Variants in TMEM132B observed in about 807,000 individuals in gnomAD.
TMEM132B encodes transmembrane protein 132B.
Under a neutral mutation model 90.8 loss-of-function variants are expected in TMEM132B, and 18 were observed. The ratio of observed to expected loss-of-function variants is 0.20; its 90% CI spans 0.14 to 0.29. The LOEUF (loss-of-function observed/expected upper bound fraction) is 0.29, where lower values mean the gene tolerates loss of function less well. TMEM132B is among the 10% of genes least tolerant of loss of function. The probability of loss-of-function intolerance (pLI) is 1.00; values close to 1 mark genes in which losing one functional copy is unlikely to be tolerated. For missense variants in TMEM132B, 1,096 were observed against 1,326.8 expected, an observed-to-expected ratio of 0.83 and a Z score of 2.70; for synonymous variants, 504 against 523.3, an observed-to-expected ratio of 0.96 and a Z score of 0.50.
intron 1 of TMEM132B, among the ~76,000 whole-genome samples, chr12:125,262,685 T>C (rs1191895693): frequency 1.3e-5 from 2 of 152,264 alleles, no homozygotes; most frequent in Admixed American, 6.5e-5. Context: ...AGAAAGACGC[T>C]GTCAAAAATT....
rs80235965 is a variant in TMEM132B at position 125,348,811 on chromosome 12, A to G, written c.68-641A>G. Among the ~76,000 whole-genome samples, 1,381 of 152,332 alleles carry G rather than the reference A, an allele frequency of 9.1e-3. 26 individuals are homozygous for G. Among genetic ancestry groups the G allele is most frequent in the African/African-American group, 0.032 (1,320 of 41,560 alleles). Reference sequence around the variant, plus strand: ...CAAATCCAGCCATCCGGCTCAGCACATATGTTCTTAAGTTTGTTTGTTTGC... The same window carrying G: ...CAAATCCAGCCATCCGGCTCAGCACGTATGTTCTTAAGTTTGTTTGTTTGC... On this transcript the variant is annotated intron_variant, in intron 1 of 8. Transcript: ENST00000682704.
chr12:125,220,253 G>T (rs1038060434), intron 1 of TMEM132B, among the ~76,000 whole-genome samples: 2 of 152,164 alleles, frequency 1.3e-5, no homozygotes, highest in African/African-American at 4.8e-5. Context: ...TTCTCATCAG[G>T]GTTTGGGAAG....
intron 4 of TMEM132B, among the ~76,000 whole-genome samples, chr12:125,572,111 T>C (rs1269171812): frequency 6.6e-6 from 1 of 152,218 alleles, no homozygotes; most frequent in Non-Finnish European, 1.5e-5. Flanking sequence ...GTTTACATGA[T>C]TTTTGTCGAA....
intron 5 of TMEM132B, among the ~76,000 whole-genome samples, chr12:125,633,820 G>A (rs1366975737): frequency 2.6e-5 from 4 of 152,352 alleles, no homozygotes; most frequent in African/African-American, 9.6e-5. Context: ...AGCTGAGAGT[G>A]GAGTGACATA....
chr12:125,600,825 T>C (rs4765263), intron 5 of TMEM132B, among the ~76,000 whole-genome samples: 151,861 of 152,164 alleles, frequency 1, 75,780 homozygotes, highest in Middle Eastern at 1. Context: ...TCCTAGTCTC[T>C]GACAAAACAG....
chr12:125,552,425 C>CT (rs1017836025), intron 4 of TMEM132B, among the ~76,000 whole-genome samples: 6 of 152,200 alleles, frequency 3.9e-5, no homozygotes, highest in Non-Finnish European at 7.3e-5. Context: ...GCAGAGCTGC[C>CT]TTAGCCTTGC....
At position 125,652,664 on chromosome 12, in the gene TMEM132B, C is replaced by A; in HGVS notation, c.2106+32C>A. ...GTTCCAGGGGCCCTGCGTCCTTGGT[C>A]AGTGGGGATGACTTCTCTCTCAGTT... is the stretch of plus-strand genomic sequence containing the variant. On this transcript the variant is annotated intron_variant, in intron 8 of 8. Coordinates refer to ENST00000682704, the MANE Select transcript of TMEM132B (RefSeq NM_001366854.1). 1.9e-6 allele frequency: 3 copies of A among 1,585,910 alleles called. No individual in the cohort carries two copies. The South Asian group carries it at 3.5e-5, about 18-fold the overall frequency.
rs190839400 is a variant in TMEM132B, at chr12:125,655,545, T to C, written c.*835T>C. 6.6e-6 allele frequency: 1 copy of C among 152,336 alleles called. No individual in the cohort carries two copies. The highest frequency in any genetic ancestry group is 1.9e-4 in the East Asian group (1 of 5,186). The allele number at this position is 152,336 out of a possible 1,614,324, so 9.4% of individuals were successfully genotyped here. Reference sequence around the variant, plus strand: ...TGTTTTCTATGTGAAGTTTCAAACATTTGGAAAAAAGTTGTCAATCACAAA... The same window carrying C: ...TGTTTTCTATGTGAAGTTTCAAACACTTGGAAAAAAGTTGTCAATCACAAA... On this transcript the variant is annotated 3_prime_UTR_variant, in exon 9 of 9. Transcript: ENST00000682704.
intron 3 of TMEM132B, among the ~76,000 whole-genome samples, chr12:125,487,366 T>C (rs1343388765): frequency 6.6e-6 from 1 of 152,218 alleles, no homozygotes; most frequent in Non-Finnish European, 1.5e-5. Context: ...TTGTACTAGT[T>C]AGGGTAATTA....
chr12:125,359,117 C>T (rs1877879066), intron 2 of TMEM132B, among the ~76,000 whole-genome samples: 1 of 152,194 alleles, frequency 6.6e-6, no homozygotes, highest in African/African-American at 2.4e-5. Flanking sequence ...GGATCGAGCA[C>T]ATGGCCCCCA....
chr12:125,288,339 T>G (rs903009467), intron 1 of TMEM132B, among the ~76,000 whole-genome samples: 4 of 151,706 alleles, frequency 2.6e-5, no homozygotes, highest in African/African-American at 9.7e-5. Context: ...GGTGCACGCC[T>G]GTAATTCCAG....
chr12:125,207,692 C>T (rs1438017536), intron 1 of TMEM132B, among the ~76,000 whole-genome samples: 2 of 152,198 alleles, frequency 1.3e-5, no homozygotes, highest in Non-Finnish European at 1.5e-5. Flanking sequence ...GGAACTTTTT[C>T]ATTTTGCAAA....
In TMEM132B at chr12:125,306,381, G is replaced by A. The variant is rs73233353; in HGVS notation, c.68-43071G>A. On this transcript the variant is annotated intron_variant, in intron 1 of 8. Transcript: ENST00000682704. Reference sequence around the variant, plus strand: ...AGGACTTCTCCCCTGGGCTCCAGACGTCTTTCTCTGACTGTCTACATGACA... The same window carrying A: ...AGGACTTCTCCCCTGGGCTCCAGACATCTTTCTCTGACTGTCTACATGACA... Among the ~76,000 whole-genome samples, 474 of 152,288 alleles carry A rather than the reference G, an allele frequency of 3.1e-3. 1 individual carries two copies. The highest frequency in any genetic ancestry group is 5.5e-3 in the Non-Finnish European group (373 of 68,026).
intron 4 of TMEM132B, among the ~76,000 whole-genome samples, chr12:125,539,995 G>A (rs549938030): frequency 1.6e-4 from 25 of 152,038 alleles, no homozygotes; most frequent in Non-Finnish European, 3.2e-4. Flanking sequence ...TTTCCCCTAA[G>A]TTCTCATAAG....
chr12:125,589,293 T>G (rs575107505), intron 5 of TMEM132B, among the ~76,000 whole-genome samples: 1 of 151,712 alleles, frequency 6.6e-6, no homozygotes, highest in African/African-American at 2.4e-5. Context: ...CCATCCTGGC[T>G]AACACGGTGA....
At chr12:125,516,133 A>T (rs1883155530) in intron 3 of TMEM132B, among the ~76,000 whole-genome samples, 1 of 149,396 alleles carries the variant, frequency 6.7e-6, no homozygotes, top group Non-Finnish European at 1.5e-5. Flanking sequence ...TCGCAATCTC[A>T]CACACACACT....
Position 125,232,167 on chromosome 12 carries a change from T to C in TMEM132B, c.67+45301T>C, listed in dbSNP as rs1266057612. On this transcript the variant is annotated intron_variant, in intron 1 of 8. Coordinates refer to ENST00000682704, the MANE Select transcript of TMEM132B (RefSeq NM_001366854.1). The stretch of plus-strand genomic sequence containing the variant: ...TAATTTATTTTAAAAAATCTCTCCA[T>C]TGATGGGAGTTTATGTTGTTTCTAG... Among the ~76,000 whole-genome samples the C allele has an allele frequency of 2.6e-5, 4 of 152,192 alleles. 1 individual carries two copies. Among genetic ancestry groups the C allele is most frequent in the African/African-American group, 9.6e-5 (4 of 41,456 alleles).
rs1012742767 is a variant in TMEM132B, at chr12:125,415,135, C to G, written c.960-396C>G. Among the ~76,000 whole-genome samples the G allele has an allele frequency of 2.8e-4, 42 of 152,286 alleles. No homozygotes were observed. Among genetic ancestry groups the G allele is most frequent in the African/African-American group, 9.9e-4 (41 of 41,566 alleles). ...TGGGCTGTGTGATCTTCTGGCCTTG[C>G]ACAACCCACCCCGCATCTTAAAGAC... On this transcript the variant is annotated intron_variant, in intron 2 of 8. Transcript: ENST00000682704. This position sits in a 1 kb window ranked among gnomAD's most constrained non-coding sequence, Gnocchi z 5.3.
intron 1 of TMEM132B, among the ~76,000 whole-genome samples, chr12:125,237,083 C>G (rs112661816): frequency 2.0e-5 from 3 of 152,222 alleles, no homozygotes; most frequent in Admixed American, 2.0e-4. Flanking sequence ...TGGCCTTCCT[C>G]CCTTCTCTAT....
Sources: allele counts gnomAD v4.1 joint callset (sites outside exome capture counted in the v4.1 genomes callset), GRCh38; gene constraint gnomAD v4.1.1; non-coding constraint Gnocchi (gnomAD v3.1); transcripts MANE v1.5; gene names NCBI Gene and HGNC (gene_info 2026-07-23, HGNC 2026-07-21).